SIAH3: variants seen among roughly 807,000 people sequenced by gnomAD.
SIAH3 encodes seven in absentia homolog 3.
A neutral mutation model predicts 12.6 loss-of-function variants in SIAH3; 9 were observed. The observed-to-expected ratio is 0.72, with a 90% CI of 0.43 to 1.25. The LOEUF (loss-of-function observed/expected upper bound fraction) is 1.25, where lower values mean the gene tolerates loss of function less well. Ranked by LOEUF, SIAH3 falls within the 50% of genes most tolerant of loss-of-function variation. The pLI is 0.00. For missense variants in SIAH3, 390 were observed against 365.4 expected (o/e 1.07, Z -0.55); for synonymous variants, 154 against 151.1 (o/e 1.02, Z -0.14).
chr13:45,799,760 C>A (rs1365389418), intron 1 of SIAH3, among the ~76,000 whole-genome samples: 1 of 152,214 alleles, frequency 6.6e-6, no homozygotes, highest in Non-Finnish European at 1.5e-5. Flanking sequence ...ATCTGCAGCT[C>A]ATATTTCATT....
chr13:45,846,742 C>T (rs1950761498), intron 1 of SIAH3, among the ~76,000 whole-genome samples: 2 of 152,172 alleles, frequency 1.3e-5, no homozygotes, highest in Admixed American at 6.5e-5. Flanking sequence ...AAATTTGCTT[C>T]GGGGCTGCTG....
At chr13:45,785,241 G>C (rs1282765452) in intron 1 of SIAH3, among the ~76,000 whole-genome samples, 1 of 152,178 alleles carries the variant, frequency 6.6e-6, no homozygotes, top group Non-Finnish European at 1.5e-5. Flanking sequence ...GGAGGTGGCA[G>C]CTCTGCAGTG....
In SIAH3 at chr13:45,790,109, TAACTG is replaced by T. The variant is rs1265389805; in HGVS notation, c.136-6057_136-6053del. 2.0e-5 allele frequency among the ~76,000 whole-genome samples: 3 copies of T among 152,212 alleles called. No homozygotes were observed. In the East Asian group the frequency reaches 5.8e-4, roughly 29 times the overall value. Reference sequence around the variant, plus strand: ...CTTCTGGTGCTCTGATGCCACTTCTTAACTGTATTGGAATCTTGCCTCTGAAATAC... The same window carrying T: ...CTTCTGGTGCTCTGATGCCACTTCTTTATTGGAATCTTGCCTCTGAAATAC... On this transcript the variant is annotated intron_variant, in intron 1 of 1. Coordinates refer to ENST00000400405, the MANE Select transcript of SIAH3 (RefSeq NM_198849.3).
chr13:45,790,726 A>G (rs1220312028), intron 1 of SIAH3, among the ~76,000 whole-genome samples: 2 of 152,162 alleles, frequency 1.3e-5, no homozygotes, highest in Admixed American at 1.3e-4. Flanking sequence ...TCTGTCCTTT[A>G]TACCATTCAG....
intron 1 of SIAH3, among the ~76,000 whole-genome samples, chr13:45,805,786 A>G (rs1746435959): frequency 6.6e-6 from 1 of 152,194 alleles, no homozygotes; most frequent in Admixed American, 6.5e-5. Flanking sequence ...CAGGCTAAAC[A>G]GACAATTTAT....
intron 1 of SIAH3, among the ~76,000 whole-genome samples, chr13:45,786,831 A>C (rs909440836): frequency 6.6e-6 from 1 of 152,154 alleles, no homozygotes; most frequent in African/African-American, 2.4e-5. Flanking sequence ...GCCTGGGGCC[A>C]CCAGTCCCAG....
chr13:45,848,899 AAAG>A (rs1950769572), intron 1 of SIAH3, among the ~76,000 whole-genome samples: 1 of 152,210 alleles, frequency 6.6e-6, no homozygotes, highest in Admixed American at 6.5e-5. Flanking sequence ...TCCTTTAACA[AAAG>A]AAGGACTTTC....
intron 1 of SIAH3, among the ~76,000 whole-genome samples, chr13:45,820,964 C>A (rs529429656): frequency 6.6e-6 from 1 of 152,338 alleles, no homozygotes; most frequent in South Asian, 2.1e-4. Flanking sequence ...TCTGTTGTTT[C>A]CTTCTCTGTG....
chr13:45,793,036 T>C (rs544513025), intron 1 of SIAH3, among the ~76,000 whole-genome samples: 7 of 152,318 alleles, frequency 4.6e-5, no homozygotes, highest in Non-Finnish European at 8.8e-5. Context: ...AAAGCCACAT[T>C]AACTATGAGC....
intron 1 of SIAH3, among the ~76,000 whole-genome samples, chr13:45,797,621 T>C (rs1045732353): frequency 1.3e-5 from 2 of 152,162 alleles, no homozygotes; most frequent in African/African-American, 4.8e-5. Flanking sequence ...ACAAATCACC[T>C]GGGCATCTTG....
In SIAH3 at chr13:45,783,362, G is replaced by A; in HGVS notation, c.*21C>T. 1 of 1,592,818 alleles carries A rather than the reference G, an allele frequency of 6.3e-7. No homozygotes were observed. ...GCGTTTCCTAGGGAGGCTGTGTGGG[G>A]AGCATCCGTGGCTCCTGGCCTCACA... On this transcript the variant is annotated 3_prime_UTR_variant, in exon 2 of 2. Coordinates refer to ENST00000400405, the MANE Select transcript of SIAH3 (RefSeq NM_198849.3).
At position 45,783,950 on chromosome 13, in the gene SIAH3, G is replaced by T; in HGVS notation, c.243C>A (p.Leu81=). 1 of 1,606,988 alleles carries T rather than the reference G, an allele frequency of 6.2e-7. No homozygotes were observed. Among genetic ancestry groups the T allele is most frequent in the Non-Finnish European group, 8.5e-7 (1 of 1,177,052 alleles). ...HHCHHRHHHH[L]RHHAHPHHLH... Reference sequence around the variant, plus strand: ...GGTGGTGGGGGTGGGCGTGGTGGCGGAGGTGGTGGTGGTGGCGGTGGTGGC... The same window carrying T: ...GGTGGTGGGGGTGGGCGTGGTGGCGTAGGTGGTGGTGGTGGCGGTGGTGGC... Residue 81 remains leucine (L), a synonymous_variant, in exon 2 of 2, where the codon CTC becomes CTA. Coordinates refer to ENST00000400405, the MANE Select transcript of SIAH3 (RefSeq NM_198849.3).
At chr13:45,811,120 T>C (rs1369280377) in intron 1 of SIAH3, among the ~76,000 whole-genome samples, 1 of 152,166 alleles carries the variant, frequency 6.6e-6, no homozygotes, top group Admixed American at 6.5e-5. Context: ...ATTTGTAAAA[T>C]CAGAACAATA....
chr13:45,814,874 C>T (rs1950628906), intron 1 of SIAH3, among the ~76,000 whole-genome samples: 1 of 152,094 alleles, frequency 6.6e-6, no homozygotes, highest in Non-Finnish European at 1.5e-5. Flanking sequence ...AGGTGTGTGC[C>T]ACCATGCCCA....
intron 1 of SIAH3, among the ~76,000 whole-genome samples, chr13:45,787,618 A>G (rs1178598427): frequency 6.6e-6 from 1 of 152,234 alleles, no homozygotes; most frequent in Non-Finnish European, 1.5e-5. Flanking sequence ...GCTGGGTATG[A>G]AAGAACATGG....
At chr13:45,850,258 C>T (rs1442161662) in intron 1 of SIAH3, among the ~76,000 whole-genome samples, 2 of 152,212 alleles carry the variant, frequency 1.3e-5, no homozygotes, top group African/African-American at 2.4e-5. Flanking sequence ...TGTCTTTCGG[C>T]GGAACTTCTA....
intron 1 of SIAH3, among the ~76,000 whole-genome samples, chr13:45,833,491 A>ACG (rs1192634416): frequency 1.5e-5 from 2 of 137,232 alleles, no homozygotes; most frequent in East Asian, 2.5e-4. Context: ...ACACACACAC[A>ACG]CGCACACACA....
intron 1 of SIAH3, among the ~76,000 whole-genome samples, chr13:45,846,051 G>T (rs959963666): frequency 6.8e-6 from 1 of 146,430 alleles, no homozygotes; most frequent in Non-Finnish European, 1.5e-5. Context: ...GGGCAGTGTA[G>T]GAATATAGAT....
intron 1 of SIAH3, among the ~76,000 whole-genome samples, chr13:45,807,218 TTATAAA>T (rs1950601007): frequency 6.6e-6 from 1 of 152,046 alleles, no homozygotes; most frequent in South Asian, 2.1e-4. Context: ...TGATTCACTG[TTATAAA>T]TATGTTGACA....
Sources: allele counts gnomAD v4.1 joint callset (sites outside exome capture counted in the v4.1 genomes callset), GRCh38; gene constraint gnomAD v4.1.1; transcripts MANE v1.5; gene names NCBI Gene and HGNC (gene_info 2026-07-23, HGNC 2026-07-21).